OR2L13: variants seen among roughly 807,000 people sequenced by gnomAD.
The protein encoded by OR2L13 is olfactory receptor 2L13.
Under a neutral mutation model 15.3 loss-of-function variants are expected in OR2L13, and 14 were observed. The observed-to-expected ratio is 0.91, with a 90% confidence interval of 0.60 to 1.43. The LOEUF (loss-of-function observed/expected upper bound fraction) is 1.43. OR2L13 is among the 40% of genes most tolerant of loss of function. The pLI is 0.00. For missense variants in OR2L13, 367 were observed against 387.9 expected (o/e 0.95, Z 0.45); for synonymous variants, 152 against 142.9 (o/e 1.06, Z -0.45).
At chr1:247,982,093 G>C in the OR2L13 span, among the ~76,000 whole-genome samples, 2 of 152,188 alleles carry the variant, frequency 1.3e-5, no homozygotes, top group Non-Finnish European at 2.9e-5. Flanking sequence ...GGGATTACAA[G>C]CGTGAGCCAC....
chr1:248,096,828 G>A (rs1664751266), upstream of OR2L13, among the ~76,000 whole-genome samples: 2 of 152,310 alleles, frequency 1.3e-5, no homozygotes, highest in South Asian at 2.1e-4. Flanking sequence ...CTTTTAGAAT[G>A]AGAAAGAAAA....
At chr1:247,948,875 A>G in the OR2L13 span, 35 of 1,607,540 alleles carry the variant, frequency 2.2e-5, no homozygotes, top group East Asian at 7.6e-4. Flanking sequence ...ATTACAATCA[A>G]ACATCAACTG....
the OR2L13 span, among the ~76,000 whole-genome samples, chr1:248,058,858 T>A: frequency 1.3e-5 from 2 of 152,098 alleles, no homozygotes; most frequent in Admixed American, 1.3e-4. Context: ...TAAATTACAA[T>A]TTTTTCATAT....
chr1:248,090,352 T>C (rs1664565740), upstream of OR2L13, among the ~76,000 whole-genome samples: 1 of 149,842 alleles, frequency 6.7e-6, no homozygotes, highest in South Asian at 2.1e-4. Flanking sequence ...TACAGGTAAA[T>C]TGTAGGTCAC....
the OR2L13 span, among the ~76,000 whole-genome samples, chr1:248,068,180 G>A: frequency 6.6e-6 from 1 of 152,164 alleles, no homozygotes; most frequent in African/African-American, 2.4e-5. Flanking sequence ...TCTGAGAAAG[G>A]GCAGACTGCC....
At chr1:248,079,528 G>A in the OR2L13 span, among the ~76,000 whole-genome samples, 2 of 151,984 alleles carry the variant, frequency 1.3e-5, no homozygotes, top group Non-Finnish European at 2.9e-5. Flanking sequence ...GAACAAGACA[G>A]GATGATTATT....
the OR2L13 span, among the ~76,000 whole-genome samples, chr1:248,047,190 CATA>C: frequency 1.3e-5 from 2 of 152,116 alleles, no homozygotes; most frequent in African/African-American, 4.8e-5. Context: ...AACCCACATT[CATA>C]ATAATGATTG....
At chr1:248,081,951 C>T in the OR2L13 span, among the ~76,000 whole-genome samples, 30 of 152,174 alleles carry the variant, frequency 2.0e-4, no homozygotes, top group Admixed American at 1.6e-3. Flanking sequence ...CTTTCAGACA[C>T]TTATATTGAA....
chr1:248,090,198 T>A (rs1558219253), upstream of OR2L13, among the ~76,000 whole-genome samples: 3 of 152,090 alleles, frequency 2.0e-5, no homozygotes, highest in Non-Finnish European at 4.4e-5. Context: ...TGACTTGAGT[T>A]TCGTTTGGTA....
chr1:248,076,465 TTCCTA>T, the OR2L13 span, among the ~76,000 whole-genome samples: 1 of 152,228 alleles, frequency 6.6e-6, no homozygotes, highest in Non-Finnish European at 1.5e-5. Context: ...GTATTGATTC[TTCCTA>T]TCCATGAGCA....
chr1:248,010,856 A>C, the OR2L13 span, among the ~76,000 whole-genome samples: 1 of 126,884 alleles, frequency 7.9e-6, no homozygotes, highest in African/African-American at 3.0e-5. Context: ...TTTGCATGTG[A>C]GATGGGTCTC....
chr1:247,994,391 C>T, the OR2L13 span, among the ~76,000 whole-genome samples: 1 of 152,066 alleles, frequency 6.6e-6, no homozygotes, highest in African/African-American at 2.4e-5. Flanking sequence ...AGCGAGACTC[C>T]ATCTCAAAAA....
chr1:248,000,872 A>C, the OR2L13 span, among the ~76,000 whole-genome samples: 2 of 152,034 alleles, frequency 1.3e-5, no homozygotes, highest in African/African-American at 4.8e-5. Context: ...CTTGTTTTTA[A>C]TTTTTTATAC....
At chr1:247,949,621 T>C in the OR2L13 span, 1 of 1,613,988 alleles carries the variant, frequency 6.2e-7, no homozygotes, top group Non-Finnish European at 8.5e-7. Flanking sequence ...GCACCTTTTG[T>C]CTACACTTAT....
chr1:248,062,757 A>C, the OR2L13 span: 17 of 152,302 alleles, frequency 1.1e-4, 1 homozygote, highest in African/African-American at 4.1e-4. Context: ...CAACACAAAG[A>C]AATAACCATA....
At chr1:248,091,778 A>G (rs1334154337), upstream of OR2L13, among the ~76,000 whole-genome samples, 3 of 151,602 alleles carry the variant, frequency 2.0e-5, no homozygotes, top group Admixed American at 1.3e-4. Flanking sequence ...TTATTTATTT[A>G]TTTTTATTCC....
chr1:247,996,521 G>A, the OR2L13 span, among the ~76,000 whole-genome samples: 1 of 152,102 alleles, frequency 6.6e-6, no homozygotes, highest in Non-Finnish European at 1.5e-5. Flanking sequence ...GCTTGGTTTT[G>A]TGCTTTGTAC....
chr1:248,075,818 A>G, the OR2L13 span, among the ~76,000 whole-genome samples: 1 of 152,014 alleles, frequency 6.6e-6, no homozygotes, highest in African/African-American at 2.4e-5. Context: ...GTTCACTTTG[A>G]TGGTGGTTTA....
chr1:248,069,947 C>G, the OR2L13 span, among the ~76,000 whole-genome samples: 7 of 151,964 alleles, frequency 4.6e-5, no homozygotes, highest in African/African-American at 7.3e-5. Context: ...TATATGCACC[C>G]AATACAGGAG....
Sources: allele counts gnomAD v4.1 joint callset (sites outside exome capture counted in the v4.1 genomes callset), GRCh38; gene constraint gnomAD v4.1.1; transcripts MANE v1.5; gene names NCBI Gene and HGNC (gene_info 2026-07-23, HGNC 2026-07-21).